The following KCNIP4 variants were observed in gnomAD, a reference collection of about 807,000 sequenced individuals.
The protein encoded by KCNIP4 is Kv channel-interacting protein 4.
In KCNIP4, 12 loss-of-function variants were observed where a neutral mutation model predicts 34.0. That is an observed-to-expected ratio of 0.35 (90% CI 0.23 to 0.57). The LOEUF (loss-of-function observed/expected upper bound fraction) is 0.57. Among genes scored for constraint, KCNIP4 ranks in the 20% least tolerant of loss-of-function variants. The pLI is 0.83. For synonymous variants in KCNIP4, 124 were observed against 102.2 expected (o/e 1.21, Z -1.29); for missense variants, 238 against 311.7 (o/e 0.76, Z 1.78).
At chr4:21,629,574 C>T (rs1448927183) in intron 1 of KCNIP4, among the ~76,000 whole-genome samples, 1 of 152,128 alleles carries the variant, frequency 6.6e-6, no homozygotes, top group East Asian at 1.9e-4. Flanking sequence ...GTGAAAAATG[C>T]TACAGTGTCC....
intron 2 of KCNIP4, among the ~76,000 whole-genome samples, chr4:20,864,272 A>G (rs968999665): frequency 2.0e-5 from 3 of 151,602 alleles, no homozygotes; most frequent in African/African-American, 7.3e-5. Flanking sequence ...ATGTATGTAC[A>G]CATATGTATG....
chr4:21,673,753 G>C (rs1012627958), intron 1 of KCNIP4, among the ~76,000 whole-genome samples: 2 of 152,098 alleles, frequency 1.3e-5, no homozygotes, highest in African/African-American at 4.8e-5. Context: ...CTATGCTCCT[G>C]TGTTATTCCA....
intron 1 of KCNIP4, among the ~76,000 whole-genome samples, chr4:21,612,476 C>T (rs1744232765): frequency 6.6e-6 from 1 of 152,156 alleles, no homozygotes; most frequent in Admixed American, 6.5e-5. Flanking sequence ...GGGCTGAACC[C>T]TCAAGTCATT....
intron 1 of KCNIP4, among the ~76,000 whole-genome samples, chr4:21,525,961 T>C (rs1447185848): frequency 6.6e-6 from 1 of 151,852 alleles, no homozygotes; most frequent in East Asian, 1.9e-4. Context: ...ATAAGGCAAT[T>C]TTCTTATTAC....
intron 1 of KCNIP4, among the ~76,000 whole-genome samples, chr4:21,383,217 C>T (rs1288481987): frequency 6.6e-6 from 1 of 152,260 alleles, no homozygotes; most frequent in African/African-American, 2.4e-5. Flanking sequence ...GCCTCCAGAA[C>T]TGTGATCAAT....
At chr4:21,384,564 T>C (rs972801054) in intron 1 of KCNIP4, among the ~76,000 whole-genome samples, 2 of 152,214 alleles carry the variant, frequency 1.3e-5, no homozygotes, top group Non-Finnish European at 2.9e-5. Flanking sequence ...ACCTCCCAGA[T>C]TGATGTGGAA....
At chr4:21,930,027 G>A (rs1013460745) in intron 1 of KCNIP4, among the ~76,000 whole-genome samples, 3 of 151,902 alleles carry the variant, frequency 2.0e-5, no homozygotes, top group African/African-American at 7.3e-5. Context: ...TCTTCTGTTC[G>A]CATGGCTGTA....
chr4:21,572,345 C>T (rs1019454576), intron 1 of KCNIP4, among the ~76,000 whole-genome samples: 1 of 152,052 alleles, frequency 6.6e-6, no homozygotes. Context: ...TTTATGATGG[C>T]CTCCTGTATT....
chr4:20,834,293 A>G (rs1474159599), intron 3 of KCNIP4, among the ~76,000 whole-genome samples: 1 of 152,182 alleles, frequency 6.6e-6, no homozygotes, highest in Non-Finnish European at 1.5e-5. Flanking sequence ...TCTTGAATAC[A>G]TTTACTTGTT....
intron 1 of KCNIP4, among the ~76,000 whole-genome samples, chr4:21,828,262 T>C (rs1463549490): frequency 6.6e-6 from 1 of 151,702 alleles, no homozygotes; most frequent in Non-Finnish European, 1.5e-5. Flanking sequence ...CACAGTATAT[T>C]AGAACTGGTA....
At chr4:21,622,002 A>C (rs1105378) in intron 1 of KCNIP4, among the ~76,000 whole-genome samples, 1 of 152,046 alleles carries the variant, frequency 6.6e-6, no homozygotes, top group East Asian at 1.9e-4. Context: ...CTGGCACCTC[A>C]AATACTGGGA....
intron 1 of KCNIP4, among the ~76,000 whole-genome samples, chr4:21,864,756 T>C (rs1019324956): frequency 2.6e-5 from 4 of 152,166 alleles, no homozygotes; most frequent in Admixed American, 6.5e-5. Context: ...GAATCCCTCA[T>C]AGTGAACACC....
chr4:21,113,835 T>G (rs1233757171), intron 1 of KCNIP4, among the ~76,000 whole-genome samples: 1 of 152,202 alleles, frequency 6.6e-6, no homozygotes, highest in African/African-American at 2.4e-5. Flanking sequence ...CAGAGACATA[T>G]TCAGTGAAAT....
At chr4:21,813,739 T>C (rs549490842) in intron 1 of KCNIP4, among the ~76,000 whole-genome samples, 1 of 152,294 alleles carries the variant, frequency 6.6e-6, no homozygotes, top group Admixed American at 6.5e-5. Context: ...GCCATATACT[T>C]TCTCACATCA....
intron 1 of KCNIP4, among the ~76,000 whole-genome samples, chr4:21,022,254 T>C (rs1740140400): frequency 6.6e-6 from 1 of 152,198 alleles, no homozygotes; most frequent in African/African-American, 2.4e-5. Flanking sequence ...CTCCTGACCA[T>C]AGAAGAATGC....
At chr4:21,496,467 T>C (rs553628934) in intron 1 of KCNIP4, among the ~76,000 whole-genome samples, 16 of 152,176 alleles carry the variant, frequency 1.1e-4, no homozygotes, top group Non-Finnish European at 2.1e-4. Flanking sequence ...AGGGTAGATA[T>C]CTGGTAATCT....
intron 1 of KCNIP4, among the ~76,000 whole-genome samples, chr4:21,143,032 A>G (rs1261183500): frequency 6.6e-6 from 1 of 152,150 alleles, no homozygotes; most frequent in East Asian, 1.9e-4. Context: ...AAACTGACCA[A>G]AAAGATTACT....
chr4:20,773,490 G>A (rs1756094873), intron 3 of KCNIP4, among the ~76,000 whole-genome samples: 1 of 152,182 alleles, frequency 6.6e-6, no homozygotes, highest in Non-Finnish European at 1.5e-5. Context: ...TTGACTCTGA[G>A]CAAGCTGGGG....
chr4:20,900,032 T>C (rs1166206077), intron 1 of KCNIP4, among the ~76,000 whole-genome samples: 2 of 152,202 alleles, frequency 1.3e-5, no homozygotes, highest in Non-Finnish European at 2.9e-5. Flanking sequence ...CTCAGGGTTT[T>C]ATTGGAGACA....
Sources: allele counts gnomAD v4.1 joint callset (sites outside exome capture counted in the v4.1 genomes callset), GRCh38; gene constraint gnomAD v4.1.1; transcripts MANE v1.5; gene names NCBI Gene and HGNC (gene_info 2026-07-23, HGNC 2026-07-21).